The following OPCML variants were observed in gnomAD, a reference collection of about 807,000 sequenced individuals.
The protein encoded by OPCML is opioid-binding protein/cell adhesion molecule.
A neutral mutation model predicts 37.8 loss-of-function variants in OPCML; 13 were observed. That is an observed-to-expected ratio of 0.34 (90% CI 0.22 to 0.55). The LOEUF (loss-of-function observed/expected upper bound fraction) is 0.55, where lower values mean the gene tolerates loss of function less well. Ranked by LOEUF, OPCML falls within the 20% of genes least tolerant of loss-of-function variation. OPCML has a pLI of 0.91. For missense variants in OPCML, 341 were observed against 435.6 expected (o/e 0.78, Z 1.93); for synonymous variants, 176 against 168.8 (o/e 1.04, Z -0.33).
At chr11:132,847,806 T>C (rs528405508) in intron 2 of OPCML, among the ~76,000 whole-genome samples, 1 of 152,372 alleles carries the variant, frequency 6.6e-6, no homozygotes, top group South Asian at 2.1e-4. Flanking sequence ...TCTTTTCTTG[T>C]TGCTGGAGAT....
rs184607543 is a variant in OPCML, at chr11:133,484,530, A to G, written c.61+47734T>C. Among the ~76,000 whole-genome samples, 47 of 152,234 alleles carry G rather than the reference A, an allele frequency of 3.1e-4. 1 individual carries two copies. In the East Asian group the frequency reaches 8.7e-3, roughly 28 times the overall value. On this transcript the variant is annotated intron_variant, in intron 1 of 7. Transcript: ENST00000524381. Reference sequence around the variant, plus strand: ...TGTTGCCAAAGAACAGAGCCAAGAAAGGAAATCAAGAAGAACTGAGGACAC... The same window carrying G: ...TGTTGCCAAAGAACAGAGCCAAGAAGGGAAATCAAGAAGAACTGAGGACAC...
At chr11:132,963,325 C>A (rs1244169880) in intron 1 of OPCML, among the ~76,000 whole-genome samples, 1 of 152,012 alleles carries the variant, frequency 6.6e-6, no homozygotes, top group African/African-American at 2.4e-5. Flanking sequence ...GGCACGGTGG[C>A]TCACGCCTGT....
chr11:132,789,749 G>A (rs540182442), intron 2 of OPCML, among the ~76,000 whole-genome samples: 23 of 152,154 alleles, frequency 1.5e-4, no homozygotes, highest in African/African-American at 3.6e-4. Flanking sequence ...AGATTATCTC[G>A]TAAACTGTTC....
At chr11:132,829,638 G>C (rs1432784096) in intron 2 of OPCML, among the ~76,000 whole-genome samples, 1 of 152,138 alleles carries the variant, frequency 6.6e-6, no homozygotes, top group Non-Finnish European at 1.5e-5. Context: ...GCCTACATTA[G>C]CAGCCTCATG....
chr11:132,534,892 T>C (rs1317139327), intron 3 of OPCML, among the ~76,000 whole-genome samples: 1 of 152,100 alleles, frequency 6.6e-6, no homozygotes, highest in Non-Finnish European at 1.5e-5. Flanking sequence ...GTTCATGCCA[T>C]TTAGAATCAG....
intron 1 of OPCML, among the ~76,000 whole-genome samples, chr11:133,320,355 T>C (rs1007453173): frequency 1.3e-5 from 2 of 152,234 alleles, no homozygotes; most frequent in Admixed American, 1.3e-4. Context: ...GTCAGGCTGA[T>C]GAAACTGGTT....
chr11:133,053,371 C>A (rs190974055), intron 1 of OPCML, among the ~76,000 whole-genome samples: 2 of 152,168 alleles, frequency 1.3e-5, no homozygotes, highest in Non-Finnish European at 2.9e-5. Context: ...TGGCTCCATG[C>A]CCTTCCCTCT....
intron 1 of OPCML, among the ~76,000 whole-genome samples, chr11:133,060,225 T>C (rs1404236269): frequency 6.8e-6 from 1 of 147,068 alleles, no homozygotes; most frequent in Non-Finnish European, 1.5e-5. Context: ...TCCACCTCCT[T>C]CTCCCCATCC....
At chr11:132,497,711 G>A (rs1032281069) in intron 4 of OPCML, among the ~76,000 whole-genome samples, 3 of 152,234 alleles carry the variant, frequency 2.0e-5, no homozygotes, top group South Asian at 2.1e-4. Flanking sequence ...GGACAGAGGG[G>A]AATAATGATA....
rs191416770 is a variant in OPCML, at chr11:133,370,776, A to G, written c.61+161488T>C. On this transcript the variant is annotated intron_variant, in intron 1 of 7. Transcript: ENST00000524381. ...CATTGGCCTAGGTAAAGATTTTGAGACTAAAACCTCAAATCACAGACAATA... is the reference window on the plus strand; with the variant it reads ...CATTGGCCTAGGTAAAGATTTTGAGGCTAAAACCTCAAATCACAGACAATA... Among the ~76,000 whole-genome samples the G allele has an allele frequency of 3.1e-3, 469 of 152,290 alleles. 2 individuals are homozygous for G. The highest frequency in any genetic ancestry group is 9.9e-3 in the African/African-American group (412 of 41,566).
intron 1 of OPCML, among the ~76,000 whole-genome samples, chr11:133,436,525 C>T (rs142782686): frequency 0.014 from 2,070 of 152,268 alleles, 50 homozygotes; most frequent in African/African-American, 0.047. Flanking sequence ...AGGTTCTGGG[C>T]TGTTAAGCTC....
intron 4 of OPCML, among the ~76,000 whole-genome samples, chr11:132,510,028 G>A (rs1320487929): frequency 2.6e-5 from 4 of 152,172 alleles, no homozygotes; most frequent in Non-Finnish European, 4.4e-5. Flanking sequence ...TAAACCCACA[G>A]AGGCAGAGCT....
At chr11:133,255,168 G>T (rs1941271065) in intron 1 of OPCML, among the ~76,000 whole-genome samples, 1 of 152,106 alleles carries the variant, frequency 6.6e-6, no homozygotes, top group Admixed American at 6.5e-5. Context: ...CTCCGGCCCT[G>T]AAGCCCTCCC....
Position 132,565,845 on chromosome 11 carries a change from C to G in OPCML, c.380-36659G>C, listed in dbSNP as rs543745659. ...GTCAGGAGTTCAAGACTAGCCTGGC[C>G]AACATGGTGAAACCCTGTCTCTACT... On this transcript the variant is annotated intron_variant, in intron 3 of 7. Transcript: ENST00000524381. 7.2e-5 allele frequency among the ~76,000 whole-genome samples: 11 copies of G among 152,236 alleles called. No homozygotes were observed. In the East Asian group the frequency reaches 2.1e-3, roughly 30 times the overall value.
chr11:132,604,891 A>ATGCTGTGG (rs1938173565), intron 3 of OPCML, among the ~76,000 whole-genome samples: 1 of 152,206 alleles, frequency 6.6e-6, no homozygotes, highest in African/African-American at 2.4e-5. Context: ...ATACAATCAG[A>ATGCTGTGG]TGCTGTGGAG....
At chr11:132,730,984 C>G (rs1371778093) in intron 2 of OPCML, among the ~76,000 whole-genome samples, 2 of 152,062 alleles carry the variant, frequency 1.3e-5, no homozygotes, top group Non-Finnish European at 2.9e-5. Context: ...TATGTTTTTT[C>G]ATCTGTTTGT....
rs919544517 is a variant in OPCML, at chr11:132,479,661, T to C, written c.506-42302A>G. ...TTGAAGAGAGCAGTGGTTCTCCCAGTACGCAGCTGGAGATCTGAGAACAGG... is the reference window on the plus strand; with the variant it reads ...TTGAAGAGAGCAGTGGTTCTCCCAGCACGCAGCTGGAGATCTGAGAACAGG... On this transcript the variant is annotated intron_variant, in intron 4 of 7. Transcript: ENST00000524381. Among the ~76,000 whole-genome samples the C allele has an allele frequency of 1.3e-3, 191 of 151,948 alleles. 1 individual carries two copies. The highest frequency in any genetic ancestry group is 2.6e-3 in the African/African-American group (107 of 41,394).
At chr11:132,549,787 T>C (rs2096377345) in intron 3 of OPCML, among the ~76,000 whole-genome samples, 2 of 152,080 alleles carry the variant, frequency 1.3e-5, no homozygotes. Context: ...TGACCAGCCT[T>C]CCCCATGTGC....
At chr11:132,691,494 C>G (rs972871787) in intron 2 of OPCML, among the ~76,000 whole-genome samples, 6 of 152,188 alleles carry the variant, frequency 3.9e-5, no homozygotes, top group Admixed American at 1.3e-4. Flanking sequence ...AGTAGGGTAG[C>G]CTCTGCAGTG....
Sources: gnomAD v4.1 joint callset for allele counts (sites outside exome capture counted in the v4.1 genomes callset) on GRCh38, gnomAD v4.1.1 for gene constraint, MANE v1.5 for transcripts, NCBI Gene and HGNC (gene_info 2026-07-23, HGNC 2026-07-21) for gene names.